The following HERC2 variants were observed in gnomAD, a reference collection of about 807,000 sequenced individuals.
HERC2 encodes the protein HECT and RLD domain containing E3 ubiquitin protein ligase 2, also known as E3 ubiquitin-protein ligase HERC2.
In HERC2, 102 loss-of-function variants were observed where a neutral mutation model predicts 537.7. The ratio of observed to expected loss-of-function variants is 0.19; its 90% CI spans 0.16 to 0.22. HERC2 has a LOEUF of 0.22. Among genes scored for constraint, HERC2 ranks in the 10% least tolerant of loss-of-function variants. The probability of loss-of-function intolerance (pLI) is 1.00; values close to 1 mark genes in which losing one functional copy is unlikely to be tolerated. For synonymous variants in HERC2, 2,224 were observed against 2,466.2 expected (o/e 0.90, Z 2.91); for missense variants, 4,236 against 6,198.2 (o/e 0.68, Z 10.63).
intron 2 of HERC2, among the ~76,000 whole-genome samples, chr15:28,300,608 G>A (rs370230277): frequency 6.9e-4 from 103 of 150,060 alleles, no homozygotes; most frequent in Non-Finnish European, 1.2e-3. Context: ...AATCACTTGA[G>A]GTCAGGAGTT....
chr15:28,206,649 C>T (rs530100928), intron 44 of HERC2, among the ~76,000 whole-genome samples: 21 of 151,484 alleles, frequency 1.4e-4, no homozygotes, highest in East Asian at 1.2e-3. Context: ...CTGGGTAACA[C>T]GGTGAAACCC....
At chr15:28,301,776 T>C (rs2076641131) in intron 2 of HERC2, among the ~76,000 whole-genome samples, 1 of 118,298 alleles carries the variant, frequency 8.5e-6, no homozygotes, top group Admixed American at 9.3e-5. Flanking sequence ...TATATATATA[T>C]ATATGGGTTA....
intron 38 of HERC2, among the ~76,000 whole-genome samples, chr15:28,217,642 C>T (rs947402110): frequency 1.3e-5 from 2 of 152,186 alleles, no homozygotes; most frequent in Non-Finnish European, 2.9e-5. Context: ...CACATACATT[C>T]GGAACCTCAG....
chr15:28,238,772 T>G lies in HERC2; in HGVS notation c.3578A>C (p.Glu1193Ala). The change falls in exon 24 of 93, where the codon GAG becomes GCG. Residue 1193 changes from glutamate (E) to alanine (A), a missense_variant and splice_region_variant. By Grantham distance (107) the Glu-to-Ala change is moderately radical. Transcript: ENST00000261609. ...HEELAWPGIMESFFTGQNCRN... is the reference protein window; with the variant it reads ...HEELAWPGIMASFFTGQNCRN... ...ACAGTTCTGACCTGTAAAAAATGAC[T>G]CTGTATATACAGAAACCAGAATCAG... The G allele has an allele frequency of 6.2e-7, 1 of 1,606,394 alleles. No individual in the cohort carries two copies. The highest frequency in any genetic ancestry group is 8.5e-7 in the Non-Finnish European group (1 of 1,174,848).
Position 28,215,861 on chromosome 15 carries a change from A to C in HERC2, c.6029-59T>G. On this transcript the variant is annotated intron_variant, in intron 38 of 92. Transcript: ENST00000261609. ...AGTCCCTAAAGACAAATCCCTAAAG[A>C]TATATCCTTATTTTTTTATCAACTT... is the stretch of plus-strand genomic sequence containing the variant. The C allele has an allele frequency of 3.9e-6, 4 of 1,028,014 alleles. No individual in the cohort carries two copies. In the Admixed American group the frequency reaches 7.3e-5, roughly 19 times the overall value. The allele number at this position is 1,028,014 out of a possible 1,614,324, so 63.7% of individuals were successfully genotyped here.
rs1410813866 is a variant in HERC2 at position 28,246,094 on chromosome 15, A to G, written c.3392-28T>C. 7 of 1,421,758 alleles carry G rather than the reference A, an allele frequency of 4.9e-6. No individual in the cohort carries two copies. The East Asian group carries it at 7.2e-5, about 15-fold the overall frequency. 88.1% of individuals were successfully genotyped at this position (1,421,758 alleles called of 1,614,324 possible). A position where few individuals can be genotyped will look rare whatever the true frequency, so the allele number is the denominator to read the frequency against. ...ACATTTAAGAAATAATAAGATTTAA[A>G]TAAGTATTTATCCTATAAAAGCTAT... On this transcript the variant is annotated intron_variant, in intron 22 of 92. Transcript: ENST00000261609.
chr15:28,288,246 A>T (rs769878955), intron 4 of HERC2, among the ~76,000 whole-genome samples: 10 of 152,174 alleles, frequency 6.6e-5, no homozygotes, highest in Non-Finnish European at 1.5e-4. Context: ...GTAAGTTAAC[A>T]TAAAAAACTT....
intron 83 of HERC2, among the ~76,000 whole-genome samples, chr15:28,128,071 A>T (rs1889697110): frequency 6.6e-6 from 1 of 152,228 alleles, no homozygotes. Context: ...ACGATCAAAG[A>T]CACACAACCC....
chr15:28,284,065 T>C (rs2076091552), intron 4 of HERC2, among the ~76,000 whole-genome samples: 1 of 152,216 alleles, frequency 6.6e-6, no homozygotes. Flanking sequence ...CTTAATAATT[T>C]TGTGCATGAA....
chr15:28,316,830 G>A (rs2077100525), intron 2 of HERC2, among the ~76,000 whole-genome samples: 1 of 152,176 alleles, frequency 6.6e-6, no homozygotes, highest in African/African-American at 2.4e-5. Flanking sequence ...AGGCTGTAGT[G>A]CAGTGGCGCG....
intron 2 of HERC2, among the ~76,000 whole-genome samples, chr15:28,318,228 TAA>T (rs2077141063): frequency 6.6e-6 from 1 of 152,122 alleles, no homozygotes; most frequent in Non-Finnish European, 1.5e-5. Context: ...ACTGTAAAAA[TAA>T]AAAGTGATGT....
chr15:28,114,586 T>C lies in HERC2; in HGVS notation c.13913+26A>G, dbSNP rs111261207. 6.0e-5 allele frequency: 96 copies of C among 1,604,890 alleles called. 1 individual carries two copies. In the African/African-American group the frequency reaches 8.7e-4, roughly 15 times the overall value. ...CTGCTACTTTTGCTATTTATGTCAA[T>C]GCAACAGAGACGGATGACCACCAAC... On this transcript the variant is annotated intron_variant, in intron 90 of 92. Coordinates refer to ENST00000261609, the MANE Select transcript of HERC2 (RefSeq NM_004667.6).
At position 28,236,982 on chromosome 15, in the gene HERC2, A is replaced by G. The variant is rs1902529921; in HGVS notation, c.3984T>C (p.Pro1328=). Residue 1328 remains proline, a synonymous_variant, in exon 26 of 93, where the codon CCT becomes CCC. Coordinates refer to ENST00000261609, the MANE Select transcript of HERC2 (RefSeq NM_004667.6). The stretch of plus-strand genomic sequence containing the variant: ...TCTTACTGGCACATTCAATCTCGAC[A>G]GGAGACAGCGGTGTGCTCATTGCCA... ...SYLAMSTPLS[P]VEIECAKWLQ... 1 of 1,611,950 alleles carries G rather than the reference A, an allele frequency of 6.2e-7. No individual in the cohort carries two copies. The highest frequency in any genetic ancestry group is 8.5e-7 in the Non-Finnish European group (1 of 1,179,788).
Position 28,269,201 on chromosome 15 carries a change from C to T in HERC2, c.1446+47G>A. ...GAGCTTGTGCATCTGTAGGACAGAC[C>T]CTGCCCCGCAAGGGAACACTGCAGG... On this transcript the variant is annotated intron_variant, in intron 11 of 92. Coordinates refer to ENST00000261609, the MANE Select transcript of HERC2 (RefSeq NM_004667.6). The T allele has an allele frequency of 2.6e-6, 4 of 1,523,968 alleles. No individual in the cohort carries two copies. In the South Asian group the frequency reaches 4.7e-5, roughly 18 times the overall value. The allele number at this position is 1,523,968 out of a possible 1,614,324, so 94.4% of individuals were successfully genotyped here.
chr15:28,279,688 C>T (rs1165667535), intron 5 of HERC2, among the ~76,000 whole-genome samples: 1 of 151,608 alleles, frequency 6.6e-6, no homozygotes, highest in Non-Finnish European at 1.5e-5. Context: ...TGGCATGTGC[C>T]TGTAGTCCCA....
chr15:28,302,947 T>C (rs1244840929), intron 2 of HERC2, among the ~76,000 whole-genome samples: 1 of 151,850 alleles, frequency 6.6e-6, no homozygotes, highest in Non-Finnish European at 1.5e-5. Flanking sequence ...TTTTCTCCCA[T>C]TCTGTGGGTT....
At chr15:28,215,130 G>A (rs1435912447) in intron 39 of HERC2, among the ~76,000 whole-genome samples, 1 of 152,012 alleles carries the variant, frequency 6.6e-6, no homozygotes, top group East Asian at 1.9e-4. Context: ...ACCTGCCTCG[G>A]CCTCCCAAAG....
At chr15:28,320,115 CA>C (rs1182548926) in intron 2 of HERC2, 1 of 151,830 alleles carries the variant, frequency 6.6e-6, no homozygotes, top group Non-Finnish European at 1.5e-5. Flanking sequence ...CCATCATCCA[CA>C]ACAGCTTTTT....
chr15:28,137,914 A>C (rs1331041992), intron 78 of HERC2, among the ~76,000 whole-genome samples: 1 of 152,260 alleles, frequency 6.6e-6, no homozygotes, highest in Middle Eastern at 3.2e-3. Flanking sequence ...TTCTTGAAGC[A>C]CAATTAAGTG....
Sources: gnomAD v4.1 joint callset for allele counts (sites outside exome capture counted in the v4.1 genomes callset) on GRCh38, gnomAD v4.1.1 for gene constraint, MANE v1.5 for transcripts, NCBI Gene and HGNC (gene_info 2026-07-23, HGNC 2026-07-21) for gene names.